The following MRPS25 variants were observed in gnomAD, a reference collection of about 807,000 sequenced individuals.
MRPS25 encodes mitochondrial ribosomal protein S25, also known as small ribosomal subunit protein mS25.
MRPS25 carries 15 observed loss-of-function variants against 17.3 expected under a neutral mutation model. The ratio of observed to expected loss-of-function variants is 0.87; its 90% CI spans 0.58 to 1.34. The LOEUF is 1.34. Among genes scored for constraint, MRPS25 ranks in the 40% most tolerant of loss-of-function variants. The pLI is 0.00. For missense variants in MRPS25, 225 were observed against 218.6 expected, an observed-to-expected ratio of 1.03 and a Z score of -0.19; for synonymous variants, 94 against 83.3, an observed-to-expected ratio of 1.13 and a Z score of -0.70.
Position 15,051,423 on chromosome 3 carries a change from T to A in MRPS25, c.*1018A>T. On this transcript the variant is annotated 3_prime_UTR_variant, in exon 4 of 4. Transcript: ENST00000253686. ...GGTCTCGAACTCCTGGGCTCAACTA[T>A]CCGCCCACATCAGCCTCCCAAAGTG... 1.1e-6 allele frequency: 1 copy of A among 872,582 alleles called. No individual in the cohort carries two copies. Among genetic ancestry groups the A allele is most frequent in the South Asian group, 5.3e-5 (1 of 18,912 alleles). The allele number at this position is 872,582 out of a possible 1,614,324, so 54.1% of individuals were successfully genotyped here.
intron 1 of MRPS25, among the ~76,000 whole-genome samples, chr3:15,060,606 G>A (rs1460891333): frequency 1.3e-5 from 2 of 152,086 alleles, no homozygotes; most frequent in East Asian, 3.8e-4. Flanking sequence ...TAAGCCGCCG[G>A]GCGCGGTGGC....
chr3:15,051,907 T>G lies in MRPS25; in HGVS notation c.*534A>C. The G allele has an allele frequency of 1.0e-6, 1 of 985,588 alleles. No homozygotes were observed. The highest frequency in any genetic ancestry group is 4.7e-5 in the South Asian group (1 of 21,298). 61.1% of individuals were successfully genotyped at this position (985,588 alleles called of 1,614,324 possible). A position where few individuals can be genotyped will look rare whatever the true frequency, so the allele number is the denominator to read the frequency against. ...CCCCCAGCAGGCAAGGGTAATCAAC[T>G]GTACTTAAAAAAGTGAGCACTGCAC... On this transcript the variant is annotated 3_prime_UTR_variant, in exon 4 of 4. Coordinates refer to ENST00000253686, the MANE Select transcript of MRPS25 (RefSeq NM_022497.5).
Position 15,051,829 on chromosome 3 carries a change from G to A in MRPS25, c.*612C>T. On this transcript the variant is annotated 3_prime_UTR_variant, in exon 4 of 4. Transcript: ENST00000253686. ...CTGGTCAGCAGGTACGTGCCTGAGT[G>A]AGGCTGGCCTGTCAGCCACTGGGGC... 1.0e-6 allele frequency: 1 copy of A among 985,480 alleles called. No individual in the cohort carries two copies. The highest frequency in any genetic ancestry group is 1.2e-6 in the Non-Finnish European group (1 of 829,976). The allele number at this position is 985,480 out of a possible 1,614,324, so 61.0% of individuals were successfully genotyped here.
intron 2 of MRPS25, among the ~76,000 whole-genome samples, chr3:15,054,021 C>G (rs944211656): frequency 1.5e-4 from 23 of 152,110 alleles, no homozygotes; most frequent in Admixed American, 1.4e-3. Context: ...CTTTGGGAGG[C>G]TGAGGCAGGT....
intron 1 of MRPS25, among the ~76,000 whole-genome samples, chr3:15,064,286 G>C (rs979518387): frequency 6.6e-6 from 1 of 152,120 alleles, no homozygotes; most frequent in Non-Finnish European, 1.5e-5. Flanking sequence ...ACTGCTTAGG[G>C]CTGCCTCAGG....
downstream of MRPS25, chr3:15,047,048 GA>G (rs1002520906): frequency 2.0e-5 from 3 of 152,638 alleles, no homozygotes; most frequent in African/African-American, 7.2e-5. Flanking sequence ...CTGTAAGACT[GA>G]ATGAATGTAC....
chr3:15,048,029 T>G (rs2042516799), downstream of MRPS25: 1 of 152,634 alleles, frequency 6.6e-6, no homozygotes, highest in East Asian at 1.9e-4. Context: ...CTCATAGACC[T>G]GGGAAGCAGG....
intron 1 of MRPS25, among the ~76,000 whole-genome samples, chr3:15,060,691 G>A (rs2042740739): frequency 6.6e-6 from 1 of 152,042 alleles, no homozygotes; most frequent in South Asian, 2.1e-4. Flanking sequence ...GACCATCCTG[G>A]CTAACACGGT....
At chr3:15,057,343 C>T (rs1043735929) in intron 2 of MRPS25, among the ~76,000 whole-genome samples, 11 of 152,186 alleles carry the variant, frequency 7.2e-5, no homozygotes, top group Non-Finnish European at 1.3e-4. Flanking sequence ...TCTTCTCTCT[C>T]ATAAATCTCA....
At position 15,065,223 on chromosome 3, in the gene MRPS25, C is replaced by A; in HGVS notation, c.-29G>T. ...GGCAACGGTGGCGGGGCCGACCCCA[C>A]GGGCCGCGAGCCGAGCAGCGACGAG... On this transcript the variant is annotated 5_prime_UTR_variant, in exon 1 of 4. Transcript: ENST00000253686. The A allele has an allele frequency of 6.4e-7, 1 of 1,554,002 alleles. No individual in the cohort carries two copies. The highest frequency in any genetic ancestry group is 8.7e-7 in the Non-Finnish European group (1 of 1,152,788).
chr3:15,061,363 G>A (rs1002158357), intron 1 of MRPS25, among the ~76,000 whole-genome samples: 11 of 152,160 alleles, frequency 7.2e-5, no homozygotes, highest in African/African-American at 2.2e-4. Context: ...TTGCAGGCGC[G>A]CGCTGCCACG....
chr3:15,064,765 A>G (rs959371019), intron 1 of MRPS25, among the ~76,000 whole-genome samples: 1 of 152,212 alleles, frequency 6.6e-6, no homozygotes, highest in Non-Finnish European at 1.5e-5. Context: ...CAGAGGGGCC[A>G]AGGGAACTGG....
rs377188019 is a variant in MRPS25, at chr3:15,053,147, A to G, written c.329+233T>C. On this transcript the variant is annotated intron_variant, in intron 3 of 3. Coordinates refer to ENST00000253686, the MANE Select transcript of MRPS25 (RefSeq NM_022497.5). ...CAGCTTCCCGTCCCCCGCAAGAGGG[A>G]GAGAGGTACTTCTCACACTGTACAG... 4.0e-5 allele frequency: 37 copies of G among 918,628 alleles called. 1 individual carries two copies. The highest frequency in any genetic ancestry group is 8.8e-5 in the East Asian group (3 of 33,956). 56.9% of individuals were successfully genotyped at this position (918,628 alleles called of 1,614,324 possible).
Position 15,050,906 on chromosome 3 carries a change from G to A in MRPS25, c.*1535C>T. ...CAGTTAATGAAACACATCGTAGTAT[G>A]ACATCATTTCACCAGCCAGCTACTT... On this transcript the variant is annotated 3_prime_UTR_variant, in exon 4 of 4. Coordinates refer to ENST00000253686, the MANE Select transcript of MRPS25 (RefSeq NM_022497.5). 1 of 985,374 alleles carries A rather than the reference G, an allele frequency of 1.0e-6. No homozygotes were observed. Among genetic ancestry groups the A allele is most frequent in the South Asian group, 4.7e-5 (1 of 21,284 alleles). The allele number at this position is 985,374 out of a possible 1,614,324, so 61.0% of individuals were successfully genotyped here.
Position 15,065,127 on chromosome 3 carries a change from A to T in MRPS25, c.68T>A (p.Phe23Tyr). ...TGTCATGACCTTCACGGAGTCCTTG[A>T]ACACCACGTTCCCCTGGCTCAGATA... Reference protein sequence around the residue: ...LQYLSQGNVVFKDSVKVMTVN... With the variant: ...LQYLSQGNVVYKDSVKVMTVN... Residue 23 changes from phenylalanine (F) to tyrosine (Y), a missense_variant, in exon 1 of 4, where the codon TTC becomes TAC. Transcript: ENST00000253686. The T allele has an allele frequency of 6.2e-7, 1 of 1,609,366 alleles. No homozygotes were observed.
In MRPS25 at chr3:15,049,949, A is replaced by G. The variant is rs1333814833; in HGVS notation, c.*2492T>C. On this transcript the variant is annotated 3_prime_UTR_variant, in exon 4 of 4. Coordinates refer to ENST00000253686, the MANE Select transcript of MRPS25 (RefSeq NM_022497.5). ...GCCAGGTAGTGCCTCAAAGAGAAGA[A>G]AAGTGGTCACTTCAGAATAAGGCTG... 7.2e-6 allele frequency: 11 copies of G among 1,529,064 alleles called. No homozygotes were observed. In the East Asian group the frequency reaches 2.7e-4, roughly 38 times the overall value. The allele number at this position is 1,529,064 out of a possible 1,614,324, so 94.7% of individuals were successfully genotyped here. A position where few individuals can be genotyped will look rare whatever the true frequency, so the allele number is the denominator to read the frequency against.
chr3:15,052,597 C>T lies in MRPS25; in HGVS notation c.366G>A (p.Gln122=). Residue 122 remains glutamine (Q), a synonymous_variant, in exon 4 of 4, where the codon CAG becomes CAA. Transcript: ENST00000253686. ...TLREEEEEKK[Q]LSHPANFGPR... ...GGCCGAAGTTGGCTGGGTGAGAAAGCTGCTTTTTCTCCTCCTCCTCTTCCC... is the reference window on the plus strand; with the variant it reads ...GGCCGAAGTTGGCTGGGTGAGAAAGTTGCTTTTTCTCCTCCTCCTCTTCCC... 1 of 1,614,156 alleles carries T rather than the reference C, an allele frequency of 6.2e-7. No individual in the cohort carries two copies. Among genetic ancestry groups the T allele is most frequent in the Non-Finnish European group, 8.5e-7 (1 of 1,180,008 alleles).
chr3:15,050,158 CAAA>C lies in MRPS25; in HGVS notation c.*2280_*2282del. ...CCAGGATCAAGTAGCCTACAGGGAA[CAAA>C]AAAAGAAAATAATGTTTATTTCCAC... is the stretch of plus-strand genomic sequence containing the variant. On this transcript the variant is annotated 3_prime_UTR_variant, in exon 4 of 4. Transcript: ENST00000253686. The C allele has an allele frequency of 7.6e-7, 1 of 1,307,386 alleles. No individual in the cohort carries two copies. The highest frequency in any genetic ancestry group is 9.7e-7 in the Non-Finnish European group (1 of 1,035,344). 81.0% of individuals were successfully genotyped at this position (1,307,386 alleles called of 1,614,324 possible).
intron 1 of MRPS25, among the ~76,000 whole-genome samples, chr3:15,060,380 G>A (rs1575071270): frequency 6.6e-6 from 1 of 152,154 alleles, no homozygotes; most frequent in Middle Eastern, 3.4e-3. Context: ...GGGCATAGTG[G>A]TACATGCTGG....
Sources: allele counts gnomAD v4.1 joint callset (sites outside exome capture counted in the v4.1 genomes callset), GRCh38; gene constraint gnomAD v4.1.1; transcripts MANE v1.5; gene names NCBI Gene and HGNC (gene_info 2026-07-23, HGNC 2026-07-21).